The following THSD7A variants were observed in gnomAD, a reference collection of about 807,000 sequenced individuals.
THSD7A encodes the protein thrombospondin type-1 domain-containing protein 7A.
Under a neutral mutation model 231.3 loss-of-function variants are expected in THSD7A, and 96 were observed. The ratio of observed to expected loss-of-function variants is 0.41; its 90% CI spans 0.35 to 0.49. The LOEUF (loss-of-function observed/expected upper bound fraction) is 0.49. Among genes scored for constraint, THSD7A ranks in the 20% least tolerant of loss-of-function variants. THSD7A has a pLI of 0.05. For synonymous variants in THSD7A, 940 were observed against 743.3 expected, an observed-to-expected ratio of 1.26 and a Z score of -4.30; for missense variants, 2,290 against 2,070.2, an observed-to-expected ratio of 1.11 and a Z score of -2.06.
intron 1 of THSD7A, among the ~76,000 whole-genome samples, chr7:11,710,618 G>T (rs1780922619): frequency 6.6e-6 from 1 of 150,836 alleles, no homozygotes; most frequent in Non-Finnish European, 1.5e-5. Flanking sequence ...CTAATGCAGA[G>T]GGACTCTGCA....
At chr7:11,432,510 C>T (rs1231866533) in intron 13 of THSD7A, among the ~76,000 whole-genome samples, 2 of 152,094 alleles carry the variant, frequency 1.3e-5, no homozygotes, top group Non-Finnish European at 1.5e-5. Flanking sequence ...ATCCTGACTA[C>T]TCACTGTGTA....
chr7:11,487,913 G>A (rs184219122), intron 6 of THSD7A, among the ~76,000 whole-genome samples: 6 of 151,554 alleles, frequency 4.0e-5, no homozygotes, highest in Admixed American at 2.6e-4. Context: ...TTCTCTAAAC[G>A]CCTCTTGAGT....
At chr7:11,489,082 T>C (rs1399823908) in intron 6 of THSD7A, among the ~76,000 whole-genome samples, 1 of 152,120 alleles carries the variant, frequency 6.6e-6, no homozygotes, top group Non-Finnish European at 1.5e-5. Context: ...TTACTTCCAT[T>C]AGCCTATGAG....
At chr7:11,596,753 A>G (rs1219765211) in intron 2 of THSD7A, among the ~76,000 whole-genome samples, 1 of 152,202 alleles carries the variant, frequency 6.6e-6, no homozygotes, top group Non-Finnish European at 1.5e-5. Flanking sequence ...ACAGTGGATT[A>G]TCGTCAGATT....
At chr7:11,746,696 C>A (rs1466396123) in intron 1 of THSD7A, among the ~76,000 whole-genome samples, 10 of 151,730 alleles carry the variant, frequency 6.6e-5, no homozygotes, top group African/African-American at 2.4e-4. Context: ...GTGATCTTAA[C>A]CTTAATCATC....
chr7:11,779,652 C>T (rs566856766), intron 1 of THSD7A, among the ~76,000 whole-genome samples: 90 of 152,332 alleles, frequency 5.9e-4, no homozygotes, highest in African/African-American at 2.2e-3. Flanking sequence ...TCACCCACCA[C>T]TCAATGTCTA....
At chr7:11,563,639 G>C (rs188049301) in intron 4 of THSD7A, among the ~76,000 whole-genome samples, 1 of 152,310 alleles carries the variant, frequency 6.6e-6, no homozygotes, top group East Asian at 1.9e-4. Flanking sequence ...TGGGACAAGA[G>C]GCATGAGCCA....
intron 6 of THSD7A, among the ~76,000 whole-genome samples, chr7:11,502,289 A>T (rs1787368593): frequency 6.6e-6 from 1 of 152,222 alleles, no homozygotes; most frequent in Admixed American, 6.5e-5. Flanking sequence ...TCATTCTATG[A>T]GGCCAGCATC....
At chr7:11,501,830 C>A (rs528765648) in intron 6 of THSD7A, among the ~76,000 whole-genome samples, 1 of 152,116 alleles carries the variant, frequency 6.6e-6, no homozygotes, top group East Asian at 1.9e-4. Flanking sequence ...TTCAAAAGGT[C>A]AATGAATCCA....
At chr7:11,690,414 G>A (rs569479789) in intron 1 of THSD7A, among the ~76,000 whole-genome samples, 1 of 151,726 alleles carries the variant, frequency 6.6e-6, no homozygotes, top group Non-Finnish European at 1.5e-5. Context: ...TTTTTCTCAA[G>A]CTCTATTTCC....
At position 11,769,331 on chromosome 7, in the gene THSD7A, C is replaced by A. The variant is rs575191578; in HGVS notation, c.190+62426G>T. 3.3e-5 allele frequency among the ~76,000 whole-genome samples: 5 copies of A among 150,432 alleles called. No homozygotes were observed. In the East Asian group the frequency reaches 9.8e-4, roughly 29 times the overall value. On this transcript the variant is annotated intron_variant, in intron 1 of 27. Coordinates refer to ENST00000423059, the MANE Select transcript of THSD7A (RefSeq NM_015204.3). The stretch of plus-strand genomic sequence containing the variant: ...GATTTGAAAGCAATCACCTGTAGAG[C>A]AGCCTACTCTGGAAAATTAATTGCA...
At chr7:11,757,450 T>C (rs1782719737) in intron 1 of THSD7A, among the ~76,000 whole-genome samples, 1 of 152,044 alleles carries the variant, frequency 6.6e-6, no homozygotes, top group Non-Finnish European at 1.5e-5. Flanking sequence ...GAAGTATTAC[T>C]GATCTCATCT....
At chr7:11,504,832 C>CTTTTTTTTTTTTTTTTTTTTT (rs11379673) in intron 6 of THSD7A, among the ~76,000 whole-genome samples, 1 of 150,112 alleles carries the variant, frequency 6.7e-6, no homozygotes. Flanking sequence ...CAACTAACTC[C>CTTTTTTTTTTTTTTTTTTTTT]TTTTTTTTTA....
chr7:11,522,266 T>C (rs1388967896), intron 6 of THSD7A, among the ~76,000 whole-genome samples: 2 of 152,146 alleles, frequency 1.3e-5, no homozygotes, highest in African/African-American at 4.8e-5. Flanking sequence ...CTTCCCCCAT[T>C]TCCCTGTAAC....
rs1033122665 is a variant in THSD7A, at chr7:11,558,479, C to T, written c.1454-15362G>A. On this transcript the variant is annotated intron_variant, in intron 4 of 27. Transcript: ENST00000423059. Reference sequence around the variant, plus strand: ...GCCTCTCTCCTGGTGAACTACTAATCCCAAGTCACAGAACTTTCTGTTTTA... The same window carrying T: ...GCCTCTCTCCTGGTGAACTACTAATTCCAAGTCACAGAACTTTCTGTTTTA... 2.2e-4 allele frequency among the ~76,000 whole-genome samples: 34 copies of T among 152,240 alleles called. No homozygotes were observed. In the East Asian group the frequency reaches 6.6e-3, roughly 30 times the overall value.
At chr7:11,580,516 A>G (rs551092482) in intron 4 of THSD7A, among the ~76,000 whole-genome samples, 2 of 152,306 alleles carry the variant, frequency 1.3e-5, no homozygotes, top group South Asian at 2.1e-4. Context: ...TATCAAGTAT[A>G]CTTTTTTAAA....
At chr7:11,603,267 A>G (rs1327376792) in intron 2 of THSD7A, among the ~76,000 whole-genome samples, 1 of 151,434 alleles carries the variant, frequency 6.6e-6, no homozygotes, top group Non-Finnish European at 1.5e-5. Context: ...GCCAAAAAAC[A>G]CATGAAAAAA....
intron 16 of THSD7A, 58 bp from the exon 17 acceptor site, chr7:11,417,661 AACAG>A: frequency 7.8e-6 from 12 of 1,537,062 alleles, no homozygotes; most frequent in Non-Finnish European, 1.0e-5. Flanking sequence ...AAGTAAAGAA[AACAG>A]GACAATTAGA....
chr7:11,596,518 G>A (rs1780364889), intron 2 of THSD7A, among the ~76,000 whole-genome samples: 1 of 152,114 alleles, frequency 6.6e-6, no homozygotes, highest in South Asian at 2.1e-4. Context: ...CTCCCTGACT[G>A]GTAGGGTGAG....
Sources: allele counts gnomAD v4.1 joint callset (sites outside exome capture counted in the v4.1 genomes callset), GRCh38; gene constraint gnomAD v4.1.1; transcripts MANE v1.5; gene names NCBI Gene and HGNC (gene_info 2026-07-23, HGNC 2026-07-21).